VPS13C: variants seen among roughly 807,000 people sequenced by gnomAD.
The protein encoded by VPS13C is vacuolar protein sorting 13 homolog C, also known as intermembrane lipid transfer protein VPS13C.
Under a neutral mutation model 456.8 loss-of-function variants are expected in VPS13C, and 358 were observed. The ratio of observed to expected loss-of-function variants is 0.78; its 90% confidence interval spans 0.72 to 0.86. The LOEUF is 0.86. Ranked by LOEUF, VPS13C falls within the 40% of genes least tolerant of loss-of-function variation. The probability of loss-of-function intolerance (pLI) is 0.00; values close to 1 mark genes in which losing one functional copy is unlikely to be tolerated. For missense variants in VPS13C, 4,818 were observed against 4,385.4 expected (o/e 1.10, Z -2.79); for synonymous variants, 1,578 against 1,486.7 (o/e 1.06, Z -1.41).
intron 9 of VPS13C, among the ~76,000 whole-genome samples, chr15:62,016,125 C>T (rs1394398927): frequency 6.6e-6 from 1 of 151,416 alleles, no homozygotes; most frequent in Admixed American, 6.6e-5. Context: ...TAACCATGTC[C>T]TTCTTTTTCT....
chr15:61,886,549 G>A (rs1896287247), intron 67 of VPS13C, among the ~76,000 whole-genome samples: 1 of 152,056 alleles, frequency 6.6e-6, no homozygotes, highest in Admixed American at 6.6e-5. Flanking sequence ...GTGATTTGTA[G>A]TGCACTGAGT....
At chr15:61,918,364 T>C in intron 58 of VPS13C, 107 bp from the exon 59 acceptor site, 2 of 1,042,518 alleles carry the variant, frequency 1.9e-6, no homozygotes, top group South Asian at 2.1e-5. Flanking sequence ...TCAAACTCAG[T>C]ATTGGAAGAT....
intron 53 of VPS13C, among the ~76,000 whole-genome samples, chr15:61,924,207 T>A (rs1395278538): frequency 1.3e-5 from 2 of 152,146 alleles, no homozygotes; most frequent in Non-Finnish European, 2.9e-5. Flanking sequence ...ACCTCTGCCT[T>A]TGTGCATATT....
chr15:61,921,764 C>T (rs2043663919), intron 55 of VPS13C, among the ~76,000 whole-genome samples, 183 bp downstream of exon 55: 1 of 152,024 alleles, frequency 6.6e-6, no homozygotes, highest in Admixed American at 6.6e-5. Flanking sequence ...TGGAAAACTC[C>T]ACTATACACT....
At chr15:61,922,367 C>G (rs1245577990) in intron 54 of VPS13C, 30 bp downstream of exon 54, 1 of 1,581,612 alleles carries the variant, frequency 6.3e-7, no homozygotes, top group Non-Finnish European at 8.6e-7. Flanking sequence ...TTCAAGAAGT[C>G]TCTGAAGGTA....
At chr15:61,963,252 T>A (rs1277499268) in intron 32 of VPS13C, among the ~76,000 whole-genome samples, 2 of 152,000 alleles carry the variant, frequency 1.3e-5, no homozygotes, top group Non-Finnish European at 2.9e-5. Context: ...GTTTTTAAGT[T>A]CTTAAAAAAT....
chr15:62,052,483 G>C (rs748751765), intron 1 of VPS13C, among the ~76,000 whole-genome samples: 112 of 151,828 alleles, frequency 7.4e-4, no homozygotes, highest in Non-Finnish European at 1.2e-3. Context: ...AGACCATCCT[G>C]ATACGGTGAA....
chr15:61,934,391 T>C (rs2044156898), intron 48 of VPS13C, 60 bp from the exon 49 acceptor site: 4 of 883,626 alleles, frequency 4.5e-6, no homozygotes, highest in African/African-American at 3.5e-5. Context: ...TATTTTTAAA[T>C]ATGAGATAAT....
At chr15:61,942,415 A>C (rs1043688109) in intron 45 of VPS13C, among the ~76,000 whole-genome samples, 9 of 151,902 alleles carry the variant, frequency 5.9e-5, no homozygotes, top group African/African-American at 1.9e-4. Flanking sequence ...TTTTAAATTC[A>C]AATTTAAATG....
chr15:61,985,584 T>C (rs1210081330), intron 18 of VPS13C, among the ~76,000 whole-genome samples: 1 of 152,162 alleles, frequency 6.6e-6, no homozygotes, highest in Admixed American at 6.5e-5. Context: ...GTTATAACAA[T>C]GAAACAATTA....
chr15:62,015,507 C>A (rs1314139162), intron 9 of VPS13C, among the ~76,000 whole-genome samples: 1 of 150,746 alleles, frequency 6.6e-6, no homozygotes, highest in East Asian at 2.0e-4. Flanking sequence ...TTCACAATAG[C>A]AAAGACTTGG....
At chr15:61,958,182 A>C (rs1450838752) in intron 37 of VPS13C, among the ~76,000 whole-genome samples, 1 of 152,020 alleles carries the variant, frequency 6.6e-6, no homozygotes, top group Non-Finnish European at 1.5e-5. Context: ...TAATCTTTTC[A>C]TTATCTTTGG....
intron 5 of VPS13C, among the ~76,000 whole-genome samples, chr15:62,029,564 T>C (rs2047743270): frequency 6.6e-6 from 1 of 152,128 alleles, no homozygotes; most frequent in Admixed American, 6.6e-5. Flanking sequence ...CTATAACATG[T>C]TCATTCTGAA....
chr15:61,995,155 CT>C (rs1443765289), intron 16 of VPS13C, among the ~76,000 whole-genome samples: 1 of 152,180 alleles, frequency 6.6e-6, no homozygotes, highest in East Asian at 1.9e-4. Flanking sequence ...TCTTAAGTTA[CT>C]TCTTTATTAC....
chr15:61,940,769 G>A lies in VPS13C; in HGVS notation c.5479C>T (p.Gln1827Ter). The change falls in exon 47 of 85, where the codon CAA becomes TAA. Residue 1827 changes from glutamine to a stop codon, truncating the protein, a stop_gained. Transcript: ENST00000644861. LOFTEE classifies it high-confidence loss of function. ...SRTILQASLPQNDIEILKPVN... is the reference protein window; with the variant it reads ...SRTILQASLP ...GGTTTTAAAATTTCAATGTCATTTT[G>A]TGGCAAGCTAGCCTGCAAAATAGTT... The A allele has an allele frequency of 6.2e-7, 1 of 1,613,066 alleles. No individual in the cohort carries two copies. The highest frequency in any genetic ancestry group is 1.1e-5 in the South Asian group (1 of 90,766).
Position 61,863,446 on chromosome 15 carries a change from G to T in VPS13C, c.10946C>A (p.Thr3649Lys). 6.2e-7 allele frequency: 1 copy of T among 1,610,474 alleles called. No individual in the cohort carries two copies. The highest frequency in any genetic ancestry group is 8.5e-7 in the Non-Finnish European group (1 of 1,177,786). Reference protein sequence around the residue: ...PGSKKTILMVTNRRVLCIKEV... With the variant: ...PGSKKTILMVKNRRVLCIKEV... ...TGTCACTTCAAGTCAGTACCTATTTGTAACCATAAGGATTGTCTTCTTGCT... is the reference window on the plus strand; with the variant it reads ...TGTCACTTCAAGTCAGTACCTATTTTTAACCATAAGGATTGTCTTCTTGCT... The change falls in exon 82 of 85, where the codon ACA becomes AAA. Residue 3649 changes from threonine (T) to lysine (K), a missense_variant. This residue lies in a region of VPS13C where 261 missense variants were observed against 234.1 expected (regional missense o/e 1.11). Coordinates refer to ENST00000644861, the MANE Select transcript of VPS13C (RefSeq NM_020821.3).
chr15:61,867,986 C>A lies in VPS13C; in HGVS notation c.10863+673G>T. 7.3e-7 allele frequency: 1 copy of A among 1,363,168 alleles called. No homozygotes were observed. The highest frequency in any genetic ancestry group is 1.0e-6 in the Non-Finnish European group (1 of 957,078). 84.4% of individuals were successfully genotyped at this position (1,363,168 alleles called of 1,614,324 possible). On this transcript the variant is annotated intron_variant, in intron 81 of 84. Transcript: ENST00000644861. This position sits in a 1 kb window ranked among gnomAD's most constrained non-coding sequence, Gnocchi z 5.0. ...AAAACAAAGAAAATAAAGTTAGAAG[C>A]ATGCAGAAAGATAGATAAAACGTAA...
chr15:61,860,469 G>C (rs1162972592), intron 82 of VPS13C, among the ~76,000 whole-genome samples: 1 of 151,896 alleles, frequency 6.6e-6, no homozygotes. Context: ...TTTTAAATTA[G>C]CAATCCCCCT....
intron 66 of VPS13C, among the ~76,000 whole-genome samples, chr15:61,897,472 C>T (rs985446776): frequency 2.0e-5 from 3 of 151,858 alleles, no homozygotes; most frequent in Admixed American, 6.6e-5. Flanking sequence ...CCTCAGGAGC[C>T]GATGCGATCA....
Sources: gnomAD v4.1 joint callset for allele counts (sites outside exome capture counted in the v4.1 genomes callset) on GRCh38, gnomAD v4.1.1 for gene constraint, gnomAD v4.1.1 regional missense constraint, Gnocchi (gnomAD v3.1) non-coding constraint, MANE v1.5 for transcripts, NCBI Gene and HGNC (gene_info 2026-07-23, HGNC 2026-07-21) for gene names.